The following ZNRF1 variants were observed in gnomAD, a reference collection of about 807,000 sequenced individuals.
ZNRF1 encodes the protein E3 ubiquitin-protein ligase ZNRF1.
Under a neutral mutation model 18.4 loss-of-function variants are expected in ZNRF1, and 3 were observed. That is an observed-to-expected ratio of 0.16 (90% CI 0.07 to 0.42). The LOEUF (loss-of-function observed/expected upper bound fraction) is 0.42, where lower values mean the gene tolerates loss of function less well. Ranked by LOEUF, ZNRF1 falls within the 10% of genes least tolerant of loss-of-function variation. The probability of loss-of-function intolerance (pLI) is 0.99; values close to 1 mark genes in which losing one functional copy is unlikely to be tolerated. For missense variants in ZNRF1, 310 were observed against 329.8 expected, an observed-to-expected ratio of 0.94 and a Z score of 0.47; for synonymous variants, 157 against 144.2, an observed-to-expected ratio of 1.09 and a Z score of -0.64.
At chr16:75,031,423 C>CTAATTTTTTGTATTTTCCATAGAGACA (rs2035301929) in intron 1 of ZNRF1, among the ~76,000 whole-genome samples, 3 of 152,108 alleles carry the variant, frequency 2.0e-5, no homozygotes, top group Non-Finnish European at 4.4e-5. Flanking sequence ...CCACCGTGCC[C>CTAATTTTTTGTATTTTCCATAGAGACA]GGCCATGTCC....
chr16:75,026,807 G>A (rs954233737), intron 1 of ZNRF1, among the ~76,000 whole-genome samples: 48 of 151,862 alleles, frequency 3.2e-4, no homozygotes, highest in African/African-American at 1.2e-3. Context: ...GTGGTGGTGC[G>A]TGCCTTTAAT....
intron 1 of ZNRF1, among the ~76,000 whole-genome samples, chr16:75,016,764 C>T (rs1405132131): frequency 7.6e-6 from 1 of 131,836 alleles, no homozygotes; most frequent in Non-Finnish European, 1.5e-5. Context: ...AGGCTGGTCT[C>T]GAACTCCTGA....
At chr16:75,054,882 C>T (rs8058376) in intron 1 of ZNRF1, among the ~76,000 whole-genome samples, 131,987 of 152,248 alleles carry the variant, frequency 0.87, 57,804 homozygotes, top group Non-Finnish European at 0.93. Flanking sequence ...TCTAGCCTTT[C>T]TTACAGGTCA....
In ZNRF1 at chr16:75,041,830, A is replaced by AT. The variant is rs1555511306; in HGVS notation, c.424+41735_424+41736insT. Among the ~76,000 whole-genome samples the AT allele has an allele frequency of 7.6e-3, 1,134 of 150,050 alleles. 20 individuals carry two copies. Among genetic ancestry groups the AT allele is most frequent in the African/African-American group, 0.025 (1,025 of 41,190 alleles). On this transcript the variant is annotated intron_variant, in intron 1 of 4. Coordinates refer to ENST00000335325, the MANE Select transcript of ZNRF1 (RefSeq NM_032268.5). ...AAACCCCATCTCTACTAAAAAAAAA[A>AT]ATATATATATATAAAATTAGCTGGG...
intron 1 of ZNRF1, among the ~76,000 whole-genome samples, chr16:75,027,129 T>C (rs536952830): frequency 6.6e-6 from 1 of 150,890 alleles, no homozygotes; most frequent in South Asian, 2.1e-4. Flanking sequence ...GCTCTAGCCA[T>C]GTATAGTGGC....
chr16:75,075,875 G>C (rs1344604572), intron 1 of ZNRF1, among the ~76,000 whole-genome samples: 1 of 152,194 alleles, frequency 6.6e-6, no homozygotes, highest in Admixed American at 6.5e-5. Context: ...AAGAGGAACT[G>C]GGAGAGGAAG....
intron 1 of ZNRF1, among the ~76,000 whole-genome samples, chr16:75,042,558 G>A (rs2035463558): frequency 6.7e-6 from 1 of 149,800 alleles, no homozygotes; most frequent in Non-Finnish European, 1.5e-5. Flanking sequence ...GGTCATAAAT[G>A]TAGTGGTTTA....
At chr16:75,011,231 C>T (rs1406517980) in intron 1 of ZNRF1, among the ~76,000 whole-genome samples, 1 of 152,134 alleles carries the variant, frequency 6.6e-6, no homozygotes, top group East Asian at 1.9e-4. Flanking sequence ...GGGAATCCTA[C>T]AAGGATTTGA....
At chr16:75,097,118 T>A (rs1011555440) in intron 2 of ZNRF1, among the ~76,000 whole-genome samples, 6 of 152,164 alleles carry the variant, frequency 3.9e-5, no homozygotes, top group Non-Finnish European at 4.4e-5. Context: ...AATGGGCCTT[T>A]TAATTTCTCT....
At chr16:75,062,437 A>G (rs1051115159) in intron 1 of ZNRF1, among the ~76,000 whole-genome samples, 1 of 152,258 alleles carries the variant, frequency 6.6e-6, no homozygotes, top group African/African-American at 2.4e-5. Context: ...TGAATTCTTT[A>G]TCGGAAAGAG....
intron 1 of ZNRF1, among the ~76,000 whole-genome samples, chr16:75,081,338 C>G (rs1417424284): frequency 2.6e-5 from 4 of 152,246 alleles, no homozygotes; most frequent in Non-Finnish European, 4.4e-5. Flanking sequence ...CCTACTTGGA[C>G]AGTGTTCCTC....
At chr16:75,000,184 T>A in intron 1 of ZNRF1, 89 bp downstream of exon 1, 4 of 1,504,886 alleles carry the variant, frequency 2.7e-6, no homozygotes, top group Non-Finnish European at 3.6e-6. Context: ...GGGAATGTAG[T>A]GCACGACCGG....
chr16:75,004,832 C>A (rs189248601), intron 1 of ZNRF1, among the ~76,000 whole-genome samples: 1 of 152,202 alleles, frequency 6.6e-6, no homozygotes, highest in Non-Finnish European at 1.5e-5. Flanking sequence ...CCTAGGCTGG[C>A]CTCAAACTCC....
chr16:75,031,628 T>A (rs1386683303), intron 1 of ZNRF1, among the ~76,000 whole-genome samples: 2 of 152,010 alleles, frequency 1.3e-5, no homozygotes, highest in Non-Finnish European at 2.9e-5. Flanking sequence ...CACCTCAGCT[T>A]CCCAAGTAAC....
intron 1 of ZNRF1, among the ~76,000 whole-genome samples, chr16:75,088,730 T>C (rs192309702): frequency 1.4e-3 from 211 of 152,348 alleles, no homozygotes; most frequent in Non-Finnish European, 2.4e-3. Context: ...TGTCCTCATC[T>C]GTCAAATGGC....
chr16:75,000,226 C>T (rs1477243958), intron 1 of ZNRF1, 131 bp downstream of exon 1: 1 of 1,338,462 alleles, frequency 7.5e-7, no homozygotes, highest in East Asian at 2.5e-5. Context: ...GTTCCCGATG[C>T]CAAGGGATAA....
intron 1 of ZNRF1, among the ~76,000 whole-genome samples, chr16:75,055,197 C>T (rs1197622853): frequency 6.6e-6 from 1 of 152,194 alleles, no homozygotes; most frequent in Non-Finnish European, 1.5e-5. Context: ...CCATTGCTCC[C>T]ATTTTAATGC....
intron 1 of ZNRF1, among the ~76,000 whole-genome samples, chr16:75,044,659 C>A (rs1217559191): frequency 3.3e-5 from 5 of 152,130 alleles, no homozygotes; most frequent in African/African-American, 1.2e-4. Flanking sequence ...CATACCCAGC[C>A]CAAGCTCTTG....
rs1183763128 is a variant in ZNRF1 at position 75,029,802 on chromosome 16, G to T, written c.424+29707G>T. 4.8e-5 allele frequency among the ~76,000 whole-genome samples: 7 copies of T among 146,912 alleles called. 1 individual carries two copies. The South Asian group carries it at 1.1e-3, about 23-fold the overall frequency. On this transcript the variant is annotated intron_variant, in intron 1 of 4. Transcript: ENST00000335325. Reference sequence around the variant, plus strand: ...CAAACAAAAAATTTATTGAGGCTGGGTGTGGGCTGATCACTTGAGGTCAGG... The same window carrying T: ...CAAACAAAAAATTTATTGAGGCTGGTTGTGGGCTGATCACTTGAGGTCAGG...
Sources: allele counts gnomAD v4.1 joint callset (sites outside exome capture counted in the v4.1 genomes callset), GRCh38; gene constraint gnomAD v4.1.1; transcripts MANE v1.5; gene names NCBI Gene and HGNC (gene_info 2026-07-23, HGNC 2026-07-21).